LARGE1: variants seen among roughly 807,000 people sequenced by gnomAD.
LARGE1 encodes the protein LARGE xylosyl- and glucuronyltransferase 1.
In LARGE1, 43 loss-of-function variants were observed where a neutral mutation model predicts 87.6. That is an observed-to-expected ratio of 0.49 (90% CI 0.38 to 0.63). The LOEUF is 0.63. Among genes scored for constraint, LARGE1 ranks in the 30% least tolerant of loss-of-function variants. LARGE1 has a pLI of 0.00. For missense variants in LARGE1, 802 were observed against 1,000.2 expected (o/e 0.80, Z 2.67); for synonymous variants, 434 against 394.6 (o/e 1.10, Z -1.18).
chr22:33,616,065 C>A (rs1240053120), intron 4 of LARGE1, among the ~76,000 whole-genome samples: 1 of 152,090 alleles, frequency 6.6e-6, no homozygotes, highest in Non-Finnish European at 1.5e-5. Context: ...ACCGGTGGAA[C>A]TGTAAAATGA....
At chr22:33,711,503 T>C (rs240092) in intron 2 of LARGE1, among the ~76,000 whole-genome samples, 2,748 of 152,302 alleles carry the variant, frequency 0.018, 80 homozygotes, top group African/African-American at 0.064. Context: ...AGAAGTTAGG[T>C]GAGCTGCCCA....
intron 2 of LARGE1, among the ~76,000 whole-genome samples, chr22:33,722,419 A>G (rs1025667613): frequency 1.3e-5 from 2 of 152,132 alleles, no homozygotes; most frequent in African/African-American, 4.8e-5. Flanking sequence ...TTTGTCAATT[A>G]TAAGTCATTA....
chr22:33,770,012 A>G (rs2085016830), intron 1 of LARGE1, among the ~76,000 whole-genome samples: 1 of 152,242 alleles, frequency 6.6e-6, no homozygotes, highest in South Asian at 2.1e-4. Context: ...ATTTCCATTT[A>G]ATATCAACAA....
intron 1 of LARGE1, among the ~76,000 whole-genome samples, chr22:33,770,006 C>T (rs1485008826): frequency 6.6e-6 from 1 of 152,160 alleles, no homozygotes; most frequent in Non-Finnish European, 1.5e-5. Context: ...CCTACGATTT[C>T]CATTTAATAT....
chr22:33,532,613 G>A (rs537092518), intron 6 of LARGE1, among the ~76,000 whole-genome samples: 7 of 152,304 alleles, frequency 4.6e-5, no homozygotes, highest in African/African-American at 1.7e-4. Context: ...AGGGTGAGAG[G>A]TGGCATAGTT....
chr22:33,082,867 T>A, the LARGE1 span, among the ~76,000 whole-genome samples: 2 of 151,876 alleles, frequency 1.3e-5, no homozygotes, highest in Non-Finnish European at 2.9e-5. Flanking sequence ...CTACTAAAAA[T>A]ACAAAAAATT....
At chr22:33,223,292 T>C (rs1925549692) in intron 11 of LARGE1, among the ~76,000 whole-genome samples, 1 of 152,226 alleles carries the variant, frequency 6.6e-6, no homozygotes, top group Non-Finnish European at 1.5e-5. Flanking sequence ...AAGAATTTGA[T>C]GGTAGGCAAC....
chr22:33,903,755 G>A (rs1437194638), intron 1 of LARGE1, among the ~76,000 whole-genome samples: 1 of 152,134 alleles, frequency 6.6e-6, no homozygotes, highest in Non-Finnish European at 1.5e-5. Flanking sequence ...AACCTGGGAG[G>A]AGGAGGTTGC....
intron 11 of LARGE1, among the ~76,000 whole-genome samples, chr22:33,227,683 T>G (rs1226523075): frequency 6.6e-6 from 1 of 152,208 alleles, no homozygotes; most frequent in Non-Finnish European, 1.5e-5. Context: ...CTATCTGCAG[T>G]TCTAAGAACT....
intron 7 of LARGE1, among the ~76,000 whole-genome samples, chr22:33,388,828 A>C (rs948303067): frequency 6.6e-6 from 1 of 151,086 alleles, no homozygotes; most frequent in African/African-American, 2.4e-5. Flanking sequence ...CAGCCTCCCA[A>C]AATGCTGGGA....
chr22:33,883,072 C>T (rs148915285), intron 1 of LARGE1, among the ~76,000 whole-genome samples: 1,581 of 152,270 alleles, frequency 0.01, 10 homozygotes, highest in South Asian at 0.034. Context: ...AAGATATGCT[C>T]GGATGCCAAT....
At chr22:33,356,565 A>G (rs1435422895) in intron 9 of LARGE1, among the ~76,000 whole-genome samples, 1 of 152,152 alleles carries the variant, frequency 6.6e-6, no homozygotes, top group Non-Finnish European at 1.5e-5. Context: ...TGAAGTCAGG[A>G]GTTTGACGCC....
intron 2 of LARGE1, among the ~76,000 whole-genome samples, chr22:33,711,933 C>T (rs78705554): frequency 0.016 from 2,382 of 152,256 alleles, 62 homozygotes; most frequent in African/African-American, 0.053. Context: ...AGTGTTGGGA[C>T]TGTAGGCGTG....
At chr22:33,496,246 G>A (rs948405792) in intron 6 of LARGE1, among the ~76,000 whole-genome samples, 1 of 152,130 alleles carries the variant, frequency 6.6e-6, no homozygotes, top group Non-Finnish European at 1.5e-5. Flanking sequence ...GATTGAGGGT[G>A]GGTCTGTCTT....
At chr22:33,881,363 G>C (rs1315805994) in intron 1 of LARGE1, among the ~76,000 whole-genome samples, 2 of 152,220 alleles carry the variant, frequency 1.3e-5, no homozygotes, top group Non-Finnish European at 2.9e-5. Context: ...CAAATGAGCA[G>C]CTGGAGGACT....
At chr22:33,233,161 G>A (rs1926090816) in intron 11 of LARGE1, among the ~76,000 whole-genome samples, 1 of 152,192 alleles carries the variant, frequency 6.6e-6, no homozygotes, top group Non-Finnish European at 1.5e-5. Context: ...GTAGCAAGGA[G>A]AAATTTCGAG....
chr22:33,083,477 T>G, the LARGE1 span, among the ~76,000 whole-genome samples: 1 of 152,234 alleles, frequency 6.6e-6, no homozygotes, highest in Non-Finnish European at 1.5e-5. Context: ...AATGTGATTA[T>G]TTGTTCAAAA....
chr22:33,903,824 CA>C (rs1209260616), intron 1 of LARGE1, among the ~76,000 whole-genome samples: 1 of 151,826 alleles, frequency 6.6e-6, no homozygotes, highest in Non-Finnish European at 1.5e-5. Flanking sequence ...ACTCCATCTC[CA>C]AAAAACAAAA....
At chr22:33,158,570 C>T (rs1921934183), downstream of LARGE1, among the ~76,000 whole-genome samples, 2 of 152,114 alleles carry the variant, frequency 1.3e-5, no homozygotes, top group Admixed American at 1.3e-4. Context: ...TATTACAATA[C>T]AAAAACTTCC....
Sources: gnomAD v4.1 joint callset for allele counts (sites outside exome capture counted in the v4.1 genomes callset) on GRCh38, gnomAD v4.1.1 for gene constraint, MANE v1.5 for transcripts, NCBI Gene and HGNC (gene_info 2026-07-23, HGNC 2026-07-21) for gene names.